Variants in GPHN observed in about 807,000 individuals in gnomAD.
The protein encoded by GPHN is gephyrin.
Under a neutral mutation model 95.5 loss-of-function variants are expected in GPHN, and 17 were observed. The observed-to-expected ratio is 0.18, with a 90% CI of 0.12 to 0.27. The LOEUF (loss-of-function observed/expected upper bound fraction) is 0.27. Among genes scored for constraint, GPHN ranks in the 10% least tolerant of loss-of-function variants. GPHN has a pLI of 1.00. For missense variants in GPHN, 660 were observed against 978.1 expected, an observed-to-expected ratio of 0.67 and a Z score of 4.34; for synonymous variants, 320 against 322.5, an observed-to-expected ratio of 0.99 and a Z score of 0.08.
chr14:67,720,656 A>G, the GPHN span, among the ~76,000 whole-genome samples: 149 of 152,238 alleles, frequency 9.8e-4, 1 homozygote, highest in Non-Finnish European at 1.6e-3. Flanking sequence ...TTGCCTTTCC[A>G]TTCTGTTCTA....
intron 2 of GPHN, among the ~76,000 whole-genome samples, chr14:66,758,875 A>G (rs931104396): frequency 6.6e-6 from 1 of 152,196 alleles, no homozygotes; most frequent in African/African-American, 2.4e-5. Flanking sequence ...TTTGGTTCAC[A>G]GGGTTAGTCT....
chr14:67,621,451 G>C, the GPHN span, among the ~76,000 whole-genome samples: 160 of 150,728 alleles, frequency 1.1e-3, no homozygotes, highest in Non-Finnish European at 1.9e-3. Context: ...TATTTTCCGT[G>C]TTCTTTTTTT....
intron 2 of GPHN, among the ~76,000 whole-genome samples, chr14:66,757,336 A>G (rs1014229762): frequency 1.5e-5 from 2 of 137,068 alleles, no homozygotes; most frequent in African/African-American, 6.6e-5. Flanking sequence ...GGATATATAT[A>G]TATATACACG....
Position 66,843,200 on chromosome 14 carries a change from G to A in GPHN, c.294+18634G>A, listed in dbSNP as rs369829221. 1.2e-4 allele frequency among the ~76,000 whole-genome samples: 18 copies of A among 152,084 alleles called. 1 individual carries two copies. The East Asian group carries it at 2.9e-3, about 25-fold the overall frequency. On this transcript the variant is annotated intron_variant, in intron 4 of 22. Coordinates refer to ENST00000478722, the MANE Select transcript of GPHN (RefSeq NM_020806.5). ...AATGATTTGCATTCTTCACTCACTGGTGCTTTGTCCGTCAGCAAATGGCCT... is the reference window on the plus strand; with the variant it reads ...AATGATTTGCATTCTTCACTCACTGATGCTTTGTCCGTCAGCAAATGGCCT...
At chr14:67,216,881 C>T in the GPHN span, among the ~76,000 whole-genome samples, 2 of 152,032 alleles carry the variant, frequency 1.3e-5, no homozygotes, top group African/African-American at 4.8e-5. Flanking sequence ...AGAATGTGTA[C>T]TGTGCAGCTG....
chr14:67,563,797 G>A, the GPHN span, among the ~76,000 whole-genome samples: 6 of 149,016 alleles, frequency 4.0e-5, no homozygotes, highest in African/African-American at 1.5e-4. Flanking sequence ...GCAGTAGCAC[G>A]GTCTCGGCTC....
At chr14:66,809,985 T>G (rs1003186962) in intron 3 of GPHN, among the ~76,000 whole-genome samples, 1 of 152,098 alleles carries the variant, frequency 6.6e-6, no homozygotes, top group Non-Finnish European at 1.5e-5. Context: ...CTAAGAGTTC[T>G]TGGCTCTCTT....
At chr14:66,689,835 C>A (rs1423910816) in intron 2 of GPHN, among the ~76,000 whole-genome samples, 1 of 151,882 alleles carries the variant, frequency 6.6e-6, no homozygotes, top group Non-Finnish European at 1.5e-5. Flanking sequence ...TCATAATAGT[C>A]TTTAATGATT....
At chr14:66,855,254 A>G (rs2062750414) in intron 4 of GPHN, among the ~76,000 whole-genome samples, 1 of 151,826 alleles carries the variant, frequency 6.6e-6, no homozygotes, top group Non-Finnish European at 1.5e-5. Flanking sequence ...CACCCCAGAA[A>G]CTCTGTAACC....
intron 2 of GPHN, among the ~76,000 whole-genome samples, chr14:66,765,545 A>G (rs1007342229): frequency 2.0e-5 from 3 of 152,204 alleles, no homozygotes; most frequent in Non-Finnish European, 4.4e-5. Flanking sequence ...GTTCTCACTT[A>G]TAAGTGGAAA....
chr14:67,053,149 A>C (rs1272083888), intron 10 of GPHN, among the ~76,000 whole-genome samples: 4 of 151,192 alleles, frequency 2.6e-5, no homozygotes, highest in Non-Finnish European at 5.9e-5. Context: ...ACCTTAAAAA[A>C]AATCAATGAA....
At chr14:67,203,008 A>T in the GPHN span, 10 of 1,360,136 alleles carry the variant, frequency 7.4e-6, no homozygotes, top group Non-Finnish European at 1.0e-5. Context: ...TTTATTTCCT[A>T]CCCTCTCTTA....
chr14:67,200,354 A>G, the GPHN span: 1 of 634,718 alleles, frequency 1.6e-6, no homozygotes, highest in Non-Finnish European at 2.8e-6. Context: ...CTCCTATTAC[A>G]TCTTCCCAAT....
chr14:67,231,958 G>A, the GPHN span, among the ~76,000 whole-genome samples: 1 of 146,732 alleles, frequency 6.8e-6, no homozygotes, highest in African/African-American at 2.6e-5. Flanking sequence ...GACAGGGTGA[G>A]ACTGTGTCTT....
At chr14:67,021,114 G>A (rs1348174144) in intron 9 of GPHN, among the ~76,000 whole-genome samples, 1 of 152,042 alleles carries the variant, frequency 6.6e-6, no homozygotes, top group African/African-American at 2.4e-5. Flanking sequence ...AAGAGAACTA[G>A]TTTCATGGTG....
intron 18 of GPHN, among the ~76,000 whole-genome samples, chr14:67,144,752 C>T (rs938180258): frequency 2.6e-5 from 4 of 152,136 alleles, no homozygotes; most frequent in African/African-American, 9.7e-5. Flanking sequence ...TCTGTTGGCT[C>T]GGAGAACAAA....
At chr14:67,382,099 C>G in the GPHN span, among the ~76,000 whole-genome samples, 1 of 152,048 alleles carries the variant, frequency 6.6e-6, no homozygotes, top group African/African-American at 2.4e-5. Flanking sequence ...CAGAAGGATT[C>G]TTCCATCAGT....
At chr14:67,600,229 C>CGCGCG in the GPHN span, 2 of 1,542,332 alleles carry the variant, frequency 1.3e-6, no homozygotes, top group Admixed American at 3.8e-5. Context: ...CCGCCCGCAC[C>CGCGCG]GCGCGGCGCT....
At chr14:67,293,964 A>G in the GPHN span, among the ~76,000 whole-genome samples, 1 of 152,326 alleles carries the variant, frequency 6.6e-6, no homozygotes, top group Middle Eastern at 3.4e-3. Flanking sequence ...AAAGGTGGAA[A>G]GAAGGGAGAA....
Sources: gnomAD v4.1 joint callset for allele counts (sites outside exome capture counted in the v4.1 genomes callset) on GRCh38, gnomAD v4.1.1 for gene constraint, MANE v1.5 for transcripts, NCBI Gene and HGNC (gene_info 2026-07-23, HGNC 2026-07-21) for gene names.